Variants in MPHOSPH10 observed in about 807,000 individuals in gnomAD.
MPHOSPH10 encodes U3 small nucleolar ribonucleoprotein MPP10.
MPHOSPH10 carries 33 observed loss-of-function variants against 77.3 expected under a neutral mutation model. The ratio of observed to expected loss-of-function variants is 0.43; its 90% CI spans 0.32 to 0.57. The LOEUF (loss-of-function observed/expected upper bound fraction) is 0.57, where lower values mean the gene tolerates loss of function less well. MPHOSPH10 is among the 20% of genes least tolerant of loss of function. MPHOSPH10 has a pLI of 0.07. For synonymous variants in MPHOSPH10, 245 were observed against 268.0 expected, an observed-to-expected ratio of 0.91 and a Z score of 0.84; for missense variants, 708 against 780.1, an observed-to-expected ratio of 0.91 and a Z score of 1.10.
intron 4 of MPHOSPH10, among the ~76,000 whole-genome samples, chr2:71,135,702 C>CTTTTTTTTTTTTTTTTTTT (rs781167523): frequency 7.7e-6 from 1 of 130,672 alleles, no homozygotes; most frequent in African/African-American, 2.9e-5. Context: ...TTTTCTTTTT[C>CTTTTTTTTTTTTTTTTTTT]TTTTTTTTTT....
At chr2:71,142,673 G>A (rs916138105) in intron 7 of MPHOSPH10, among the ~76,000 whole-genome samples, 6 of 152,180 alleles carry the variant, frequency 3.9e-5, no homozygotes, top group African/African-American at 1.2e-4. Flanking sequence ...TACAGATATT[G>A]TTACCTAGAA....
intron 7 of MPHOSPH10, among the ~76,000 whole-genome samples, chr2:71,141,893 G>A (rs150811424): frequency 1.6e-4 from 24 of 152,084 alleles, no homozygotes; most frequent in East Asian, 9.7e-4. Flanking sequence ...TTAGACGGGC[G>A]TGGTGGCATG....
Position 71,132,946 on chromosome 2 carries a change from T to G in MPHOSPH10, c.138T>G (p.Leu46=), listed in dbSNP as rs368531188. 2.5e-6 allele frequency: 4 copies of G among 1,613,388 alleles called. No individual in the cohort carries two copies. Among genetic ancestry groups the G allele is most frequent in the Non-Finnish European group, 3.4e-6 (4 of 1,179,712 alleles). The part of the protein sequence containing the change: ...ASKFTSLTKV[L]YDFNKILENG... ...AGTTCACTTCTTTAACAAAAGTGCT[T>G]TATGACTTTAATAAAATATTAGAGA... Residue 46 remains leucine (L), a synonymous_variant, in exon 2 of 11, where the codon CTT becomes CTG. Coordinates refer to ENST00000244230, the MANE Select transcript of MPHOSPH10 (RefSeq NM_005791.3).
intron 4 of MPHOSPH10, among the ~76,000 whole-genome samples, chr2:71,135,019 T>A (rs1673458069): frequency 6.6e-6 from 1 of 152,070 alleles, no homozygotes; most frequent in Non-Finnish European, 1.5e-5. Flanking sequence ...ATACAAAAAT[T>A]AGCTGGGCAT....
At chr2:71,148,194 C>A in intron 9 of MPHOSPH10, 88 bp downstream of exon 9, 1 of 1,130,658 alleles carries the variant, frequency 8.8e-7, no homozygotes, top group Non-Finnish European at 1.3e-6. Flanking sequence ...ATTTGCCTTG[C>A]ACTTGTAGTT....
At position 71,132,895 on chromosome 2, in the gene MPHOSPH10, T is replaced by C; in HGVS notation, c.90-3T>C. ...CTAAATCTCACTTAATTCCTCCCAA[T>C]AGGATTCAAGAGGGATTGGCATCAA... On this transcript the variant is annotated splice_polypyrimidine_tract_variant and splice_region_variant and intron_variant, in intron 1 of 10. Transcript: ENST00000244230. 4 of 1,591,954 alleles carry C rather than the reference T, an allele frequency of 2.5e-6. No individual in the cohort carries two copies. Among genetic ancestry groups the C allele is most frequent in the Non-Finnish European group, 3.4e-6 (4 of 1,165,992 alleles).
intron 8 of MPHOSPH10, among the ~76,000 whole-genome samples, chr2:71,147,309 C>T (rs78907365): frequency 1.8e-4 from 28 of 152,196 alleles, no homozygotes; most frequent in African/African-American, 6.7e-4. Flanking sequence ...TGTCCACATG[C>T]ATGGTAGATA....
intron 7 of MPHOSPH10, 44 bp downstream of exon 7, chr2:71,141,413 G>A (rs370382266): frequency 1.4e-5 from 20 of 1,410,982 alleles, no homozygotes; most frequent in Non-Finnish European, 1.9e-5. Flanking sequence ...TAAAGAAATA[G>A]AAGTAGAGAA....
intron 4 of MPHOSPH10, among the ~76,000 whole-genome samples, chr2:71,137,656 C>CAAAAAAA (rs60072810): frequency 6.5e-5 from 3 of 46,326 alleles, no homozygotes; most frequent in Admixed American, 2.1e-4. Context: ...GAGACTGTCT[C>CAAAAAAA]AAAAAAAAAA....
At chr2:71,138,870 A>G in intron 5 of MPHOSPH10, 1 of 615,620 alleles carries the variant, frequency 1.6e-6, no homozygotes, top group South Asian at 2.0e-5. Context: ...CCCCGTCTCT[A>G]CTAAAAATAC....
intron 5 of MPHOSPH10, 61 bp downstream of exon 5, chr2:71,138,692 A>G: frequency 6.2e-7 from 1 of 1,605,374 alleles, no homozygotes; most frequent in Non-Finnish European, 8.5e-7. Context: ...CATTTCATAC[A>G]AAGATTTGGG....
At chr2:71,142,060 C>T (rs964053774) in intron 7 of MPHOSPH10, among the ~76,000 whole-genome samples, 4 of 151,892 alleles carry the variant, frequency 2.6e-5, no homozygotes, top group Non-Finnish European at 5.9e-5. Context: ...AGGAAGAAAT[C>T]GCTGGTTAAA....
rs766330070 is a variant in MPHOSPH10, at chr2:71,134,075, A to T, written c.896A>T (p.Glu299Val). The T allele has an allele frequency of 6.2e-7, 1 of 1,608,428 alleles. No individual in the cohort carries two copies. Among genetic ancestry groups the T allele is most frequent in the African/African-American group, 1.3e-5 (1 of 74,730 alleles). ...AAAGAAGATGATGAAATTGCTGAAG[A>T]AGAAGCAGAAGAACTAAGTATTTCG... is the stretch of plus-strand genomic sequence containing the variant. Reference protein sequence around the residue: ...SNKEDDEIAEEEAEELSISET... With the variant: ...SNKEDDEIAEVEAEELSISET... The change falls in exon 3 of 11, where the codon GAA (glutamate) becomes GTA (valine). Residue 299 changes from glutamate (E) to valine (V), a missense_variant. Physicochemically the swap from Glu to Val is moderately radical, Grantham distance 121. Coordinates refer to ENST00000244230, the MANE Select transcript of MPHOSPH10 (RefSeq NM_005791.3).
At chr2:71,148,828 C>A in intron 9 of MPHOSPH10, 1 of 207,314 alleles carries the variant, frequency 4.8e-6, no homozygotes, top group East Asian at 1.3e-4. Context: ...GGTCTCTGCC[C>A]TCTGGCCTCA....
At chr2:71,138,416 A>T in intron 4 of MPHOSPH10, 74 bp from the exon 5 acceptor site, 1 of 1,133,102 alleles carries the variant, frequency 8.8e-7, no homozygotes, top group Non-Finnish European at 1.2e-6. Flanking sequence ...CACTTTTTAA[A>T]TTATTTTTTG....
chr2:71,138,626 G>A lies in MPHOSPH10; in HGVS notation c.1235G>A (p.Arg412Gln), dbSNP rs773992268. ...ACCCTACACTTTGACCATGCTGTCCGGATGGGTATGGTGCCCTCTTCTGTA... is the reference window on the plus strand; with the variant it reads ...ACCCTACACTTTGACCATGCTGTCCAGATGGGTATGGTGCCCTCTTCTGTA... ...EETLHFDHAVRMAPVITEETT... is the reference protein window; with the variant it reads ...EETLHFDHAVQMAPVITEETT... Residue 412 changes from arginine to glutamine, a missense_variant, in exon 5 of 11, where the codon CGG becomes CAG. Coordinates refer to ENST00000244230, the MANE Select transcript of MPHOSPH10 (RefSeq NM_005791.3). 16 of 1,614,132 alleles carry A rather than the reference G, an allele frequency of 9.9e-6. No homozygotes were observed. The highest frequency in any genetic ancestry group is 6.6e-5 in the South Asian group (6 of 91,054).
In MPHOSPH10 at chr2:71,149,879, A is replaced by G. The variant is rs1263626748; in HGVS notation, c.1910A>G (p.Asp637Gly). The G allele has an allele frequency of 6.4e-7, 1 of 1,550,946 alleles. No homozygotes were observed. The highest frequency in any genetic ancestry group is 8.6e-7 in the Non-Finnish European group (1 of 1,158,824). ...TTTTAATTGCAGGATGAAGGTAAAGACAAGGCCTTAAAGTCCTCTCAAGCA... is the reference window on the plus strand; with the variant it reads ...TTTTAATTGCAGGATGAAGGTAAAGGCAAGGCCTTAAAGTCCTCTCAAGCA... ...KASFIKDEGK[D>G]KALKSSQAFF... Residue 637 changes from aspartate (D) to glycine (G), a missense_variant, in exon 11 of 11, where the codon GAC (aspartate) becomes GGC (glycine). Coordinates refer to ENST00000244230, the MANE Select transcript of MPHOSPH10 (RefSeq NM_005791.3).
At chr2:71,141,441 G>C (rs1673610484) in intron 7 of MPHOSPH10, 72 bp downstream of exon 7, 1 of 1,242,150 alleles carries the variant, frequency 8.1e-7, no homozygotes, top group African/African-American at 1.6e-5. Context: ...TTTTGTGACT[G>C]TTGAAATCGT....
intron 7 of MPHOSPH10, 27 bp from the exon 8 acceptor site, chr2:71,144,401 T>C (rs752226680): frequency 6.4e-7 from 1 of 1,551,098 alleles, no homozygotes; most frequent in South Asian, 1.1e-5. Context: ...GTCGCTTAGT[T>C]TGACATTGTT....
Sources: allele counts gnomAD v4.1 joint callset (sites outside exome capture counted in the v4.1 genomes callset), GRCh38; gene constraint gnomAD v4.1.1; transcripts MANE v1.5; gene names NCBI Gene and HGNC (gene_info 2026-07-23, HGNC 2026-07-21).